NOS1AP: variants seen among roughly 807,000 people sequenced by gnomAD.
NOS1AP encodes the protein carboxyl-terminal PDZ ligand of neuronal nitric oxide synthase protein.
Under a neutral mutation model 56.2 loss-of-function variants are expected in NOS1AP, and 21 were observed. The observed-to-expected ratio is 0.37, with a 90% CI of 0.26 to 0.54. The LOEUF is 0.54. NOS1AP is among the 20% of genes least tolerant of loss of function. The pLI, the probability that NOS1AP is intolerant of heterozygous loss-of-function variation, is 0.84. For missense variants in NOS1AP, 522 were observed against 657.8 expected (o/e 0.79, Z 2.26); for synonymous variants, 270 against 274.6 (o/e 0.98, Z 0.17).
Position 162,261,525 on chromosome 1 carries a change from AG to A in NOS1AP, c.178-25818del, listed in dbSNP as rs544933926. On this transcript the variant is annotated intron_variant, in intron 2 of 9. Transcript: ENST00000361897. The stretch of plus-strand genomic sequence containing the variant: ...GAGAGAGAGAGAGAGAGAGAGAGAG[AG>A]AGAGAGAGAGAGAGAGAGAGCAATG... 2.5e-4 allele frequency among the ~76,000 whole-genome samples: 7 copies of A among 27,598 alleles called. 3 individuals are homozygous for A. Among genetic ancestry groups the A allele is most frequent in the Non-Finnish European group, 4.9e-4 (5 of 10,108 alleles). The allele number at this position is 27,598 out of a possible 152,430, so 18.1% of individuals were successfully genotyped here.
At chr1:162,225,288 G>T (rs1181518589) in intron 2 of NOS1AP, among the ~76,000 whole-genome samples, 1 of 152,072 alleles carries the variant, frequency 6.6e-6, no homozygotes, top group African/African-American at 2.4e-5. Flanking sequence ...GCTAGTTGTG[G>T]GGCAGTGTGC....
intron 2 of NOS1AP, among the ~76,000 whole-genome samples, chr1:162,285,565 A>G (rs1250681810): frequency 4.6e-5 from 7 of 151,876 alleles, no homozygotes; most frequent in Admixed American, 4.6e-4. Flanking sequence ...AATTTGTTAT[A>G]TGGCTGAGGT....
At chr1:162,287,257 T>G (rs561308214) in intron 2 of NOS1AP, 87 bp from the exon 3 acceptor site, 1 of 987,252 alleles carries the variant, frequency 1.0e-6, no homozygotes, top group Non-Finnish European at 1.6e-6. Flanking sequence ...CTGGGGACCT[T>G]TTTTCCAGGC....
At chr1:162,165,154 T>G (rs1650427689) in intron 2 of NOS1AP, among the ~76,000 whole-genome samples, 1 of 152,022 alleles carries the variant, frequency 6.6e-6, no homozygotes, top group Non-Finnish European at 1.5e-5. Flanking sequence ...AAACCCTGTC[T>G]CTACTAAAAA....
chr1:162,332,497 A>G (rs1184944405), intron 4 of NOS1AP, among the ~76,000 whole-genome samples: 3 of 152,194 alleles, frequency 2.0e-5, no homozygotes, highest in Non-Finnish European at 4.4e-5. Flanking sequence ...TGGAATGAAC[A>G]CATGGATGCT....
chr1:162,245,153 A>T (rs1653621292), intron 2 of NOS1AP, among the ~76,000 whole-genome samples: 1 of 152,306 alleles, frequency 6.6e-6, no homozygotes, highest in South Asian at 2.1e-4. Context: ...AAGGACTTGT[A>T]TTCAGAAGAT....
intron 1 of NOS1AP, among the ~76,000 whole-genome samples, chr1:162,106,768 C>T (rs1040522429): frequency 1.3e-5 from 2 of 152,096 alleles, no homozygotes; most frequent in Non-Finnish European, 2.9e-5. Flanking sequence ...GAAATCGATA[C>T]GTACATTGTT....
intron 2 of NOS1AP, among the ~76,000 whole-genome samples, chr1:162,186,112 C>T (rs1304289956): frequency 6.6e-6 from 1 of 152,116 alleles, no homozygotes. Context: ...ATGGGGTATT[C>T]CTGGTGTGAT....
intron 1 of NOS1AP, among the ~76,000 whole-genome samples, chr1:162,131,818 A>C (rs1648762499): frequency 6.6e-6 from 1 of 152,108 alleles, no homozygotes; most frequent in African/African-American, 2.4e-5. Flanking sequence ...AAATGATTTT[A>C]CATATGGCCT....
chr1:162,356,989 A>C lies in NOS1AP; in HGVS notation c.792A>C (p.Thr264=). Residue 264 remains threonine, a synonymous_variant, in exon 8 of 10, where the codon ACA becomes ACC. Coordinates refer to ENST00000361897, the MANE Select transcript of NOS1AP (RefSeq NM_014697.3). ...CGCACCCCCAGGAGCCCATGCTGAC[A>C]GCCTCACCCAGGATGCTGCTCCCTT... is the stretch of plus-strand genomic sequence containing the variant. ...KVSHPQEPML[T]ASPRMLLPSS... is the part of the protein sequence containing the mutation. 1 of 1,614,080 alleles carries C rather than the reference A, an allele frequency of 6.2e-7. No individual in the cohort carries two copies. The highest frequency in any genetic ancestry group is 8.5e-7 in the Non-Finnish European group (1 of 1,180,004).
chr1:162,300,535 A>G, intron 3 of NOS1AP, 98 bp from the exon 4 acceptor site: 1 of 1,060,516 alleles, frequency 9.4e-7, no homozygotes, highest in Non-Finnish European at 1.5e-6. Flanking sequence ...GGAAAAAGTC[A>G]GGTCAGGAGC....
intron 2 of NOS1AP, among the ~76,000 whole-genome samples, chr1:162,279,817 A>T (rs1654860847): frequency 6.6e-6 from 1 of 152,244 alleles, no homozygotes; most frequent in African/African-American, 2.4e-5. Context: ...AGCTACTAAA[A>T]GACACAAGTG....
chr1:162,107,671 A>G (rs1647565402), intron 1 of NOS1AP, among the ~76,000 whole-genome samples: 1 of 152,194 alleles, frequency 6.6e-6, no homozygotes, highest in South Asian at 2.1e-4. Flanking sequence ...TAAAAAACAT[A>G]TAATCCCTGA....
rs576742899 is a variant in NOS1AP, at chr1:162,179,772, A to G, written c.177+25296A>G. ...GACTTGACAGTGGATTTCTCAGGCA[A>G]TAAGATCATGAAGGCGCTGACTTGC... On this transcript the variant is annotated intron_variant, in intron 2 of 9. Transcript: ENST00000361897. 2.0e-5 allele frequency among the ~76,000 whole-genome samples: 3 copies of G among 152,266 alleles called. No individual in the cohort carries two copies. In the South Asian group the frequency reaches 6.2e-4, roughly 32 times the overall value.
intron 3 of NOS1AP, among the ~76,000 whole-genome samples, chr1:162,289,884 A>G (rs1655232808): frequency 1.3e-5 from 2 of 152,194 alleles, no homozygotes; most frequent in Non-Finnish European, 2.9e-5. Context: ...GGGCAACTTC[A>G]TAGTTTTGCC....
intron 6 of NOS1AP, among the ~76,000 whole-genome samples, chr1:162,345,571 T>C (rs183848673): frequency 6.6e-6 from 1 of 152,170 alleles, no homozygotes; most frequent in East Asian, 1.9e-4. Context: ...TGACAAATCA[T>C]GAAAGTCAAA....
intron 9 of NOS1AP, among the ~76,000 whole-genome samples, chr1:162,366,023 C>T (rs2680924): frequency 0.99 from 151,230 of 152,302 alleles, 75,093 homozygotes; most frequent in Middle Eastern, 1. Context: ...CTCTGTCACA[C>T]AGAAAAAGCT....
At chr1:162,236,728 C>T (rs1359640242) in intron 2 of NOS1AP, among the ~76,000 whole-genome samples, 1 of 152,096 alleles carries the variant, frequency 6.6e-6, no homozygotes, top group Non-Finnish European at 1.5e-5. Flanking sequence ...TTTCTGTTTC[C>T]CTTGGTTAGA....
intron 1 of NOS1AP, among the ~76,000 whole-genome samples, chr1:162,132,170 G>C (rs562126782): frequency 4.8e-4 from 73 of 152,298 alleles, no homozygotes; most frequent in African/African-American, 1.7e-3. Context: ...GTTCCTGGGA[G>C]GGTGAAGGAC....
Sources: gnomAD v4.1 joint callset for allele counts (sites outside exome capture counted in the v4.1 genomes callset) on GRCh38, gnomAD v4.1.1 for gene constraint, MANE v1.5 for transcripts, NCBI Gene and HGNC (gene_info 2026-07-23, HGNC 2026-07-21) for gene names.